The following SRPK3 variants were observed in gnomAD, a reference collection of about 807,000 sequenced individuals.
SRPK3 encodes the protein SFRS protein kinase 3.
In SRPK3, 26 loss-of-function variants were observed where a neutral mutation model predicts 45.3. The observed-to-expected ratio is 0.57, with a 90% CI of 0.42 to 0.80. SRPK3 has a LOEUF of 0.80. SRPK3 is among the 30% of genes least tolerant of loss of function. SRPK3 has a pLI of 0.00. For synonymous variants in SRPK3, 254 were observed against 226.6 expected (o/e 1.12, Z -1.09); for missense variants, 536 against 514.5 (o/e 1.04, Z -0.40).
rs782431431 is a variant in SRPK3, at chrX:153,782,073, C to T, written c.388-48C>T. ...AGGGTACACTGAAGGGAGCTGTGGG[C>T]TTCAGGGCAGGGTGGAACCATCTGT... is the stretch of plus-strand genomic sequence containing the variant. On this transcript the variant is annotated intron_variant, in intron 4 of 14. Coordinates refer to ENST00000370101, the MANE Select transcript of SRPK3 (RefSeq NM_014370.4). The T allele has an allele frequency of 7.1e-6, 8 of 1,129,410 alleles. No individual in the cohort carries two copies. In the East Asian group the frequency reaches 2.4e-4, roughly 34 times the overall value. 93.1% of individuals were successfully genotyped at this position (1,129,410 alleles called of 1,213,427 possible). A position where few individuals can be genotyped will look rare whatever the true frequency, so the allele number is the denominator to read the frequency against.
At chrX:153,783,343 C>A in intron 8 of SRPK3, 92 bp downstream of exon 8, 1 of 591,439 alleles carries the variant, frequency 1.7e-6, no homozygotes, top group Non-Finnish European at 2.7e-6. Flanking sequence ...CACCCCCCAC[C>A]TTCACGCACT....
intron 11 of SRPK3, 146 bp downstream of exon 11, chrX:153,784,540 G>A (rs1297238314): frequency 1.3e-6 from 1 of 761,055 alleles, no homozygotes; most frequent in Non-Finnish European, 1.9e-6. Flanking sequence ...CAACAGCACT[G>A]GGGCCATGGC....
In SRPK3 at chrX:153,781,760, C is replaced by T. The variant is rs782735703; in HGVS notation, c.317C>T (p.Ala106Val). ...TATTGCAGGCGCAAGCGCTTTGTGG[C>T]CCTCAAAGTGGTGAAGAGTGCGGGG... Reference protein sequence around the residue: ...CWDIQRKRFVALKVVKSAGHY... With the variant: ...CWDIQRKRFVVLKVVKSAGHY... The change falls in exon 4 of 15, where the codon GCC becomes GTC. Residue 106 changes from alanine to valine, a missense_variant. Ala to Val is a moderately conservative substitution (Grantham distance 64). Coordinates refer to ENST00000370101, the MANE Select transcript of SRPK3 (RefSeq NM_014370.4). 5 of 1,210,544 alleles carry T rather than the reference C, an allele frequency of 4.1e-6. No homozygotes were observed. In the African/African-American group the frequency reaches 6.9e-5, roughly 17 times the overall value.
chrX:153,785,078 C>T lies in SRPK3; in HGVS notation c.1427-3C>T, dbSNP rs2148442121. Reference sequence around the variant, plus strand: ...GCCCCCAACCTCCTCTTTCTGCCCACAGACCACATCGCTCACATAGTGGAG... The same window carrying T: ...GCCCCCAACCTCCTCTTTCTGCCCATAGACCACATCGCTCACATAGTGGAG... On this transcript the variant is annotated splice_polypyrimidine_tract_variant and splice_region_variant and intron_variant, in intron 13 of 14. Transcript: ENST00000370101. 8.3e-7 allele frequency: 1 copy of T among 1,211,153 alleles called. No individual in the cohort carries two copies. Among genetic ancestry groups the T allele is most frequent in the South Asian group, 1.8e-5 (1 of 56,990 alleles).
chrX:153,784,280 T>C lies in SRPK3; in HGVS notation c.1148-14T>C, dbSNP rs782583879. On this transcript the variant is annotated splice_polypyrimidine_tract_variant and intron_variant, in intron 10 of 14. Transcript: ENST00000370101. ...AGTCGGACCACTTCAGTCTCCCTGCTCTGCCTTCCCCAGCACCATTCGGTG... is the reference window on the plus strand; with the variant it reads ...AGTCGGACCACTTCAGTCTCCCTGCCCTGCCTTCCCCAGCACCATTCGGTG... The C allele has an allele frequency of 1.5e-5, 18 of 1,209,920 alleles. No homozygotes were observed. The highest frequency in any genetic ancestry group is 1.9e-5 in the Non-Finnish European group (17 of 895,200).
At chrX:153,784,663 G>T in intron 11 of SRPK3, 87 bp from the exon 12 acceptor site, 1 of 1,093,231 alleles carries the variant, frequency 9.1e-7, no homozygotes, top group South Asian at 1.9e-5. Flanking sequence ...TGAGCTCCTC[G>T]GGTAGGCGGA....
chrX:153,783,037 G>T lies in SRPK3; in HGVS notation c.667G>T (p.Gly223Trp). ...GCCCGAGAACATCTTGCTGTGTGTG[G>T]GGGACGCTTACATCAGGCGCCTGGC... ...IKPENILLCV[G>W]DAYIRRLAAE... Residue 223 changes from glycine to tryptophan, a missense_variant, in exon 7 of 15, where the codon GGG becomes TGG. Coordinates refer to ENST00000370101, the MANE Select transcript of SRPK3 (RefSeq NM_014370.4). 3 of 1,183,766 alleles carry T rather than the reference G, an allele frequency of 2.5e-6. No individual in the cohort carries two copies. Among genetic ancestry groups the T allele is most frequent in the Non-Finnish European group, 3.4e-6 (3 of 881,026 alleles).
intron 5 of SRPK3, 82 bp downstream of exon 5, chrX:153,782,290 C>G (rs1273179957): frequency 1.2e-6 from 1 of 824,616 alleles, no homozygotes; most frequent in African/African-American, 2.0e-5. Context: ...AGCCTGTCTG[C>G]AGACCCGCAC....
chrX:153,785,608 C>A lies in SRPK3; in HGVS notation c.*88C>A. ...CACCCTGCTGGGCGCCAGTTCTCCA[C>A]AACCACAGGGCAGAGAGACGCTGGA... On this transcript the variant is annotated 3_prime_UTR_variant, in exon 15 of 15. Coordinates refer to ENST00000370101, the MANE Select transcript of SRPK3 (RefSeq NM_014370.4). 1 of 1,091,090 alleles carries A rather than the reference C, an allele frequency of 9.2e-7. No individual in the cohort carries two copies. The highest frequency in any genetic ancestry group is 1.2e-6 in the Non-Finnish European group (1 of 808,449). The allele number at this position is 1,091,090 out of a possible 1,213,427, so 89.9% of individuals were successfully genotyped here.
chrX:153,783,723 G>C, intron 8 of SRPK3, 29 bp from the exon 9 acceptor site: 1 of 1,208,041 alleles, frequency 8.3e-7, no homozygotes, highest in Non-Finnish European at 1.1e-6. Context: ...CGGGCGACAG[G>C]AACCCTGGGG....
At chrX:153,781,855 CCAGCTCCCCTGG>C in intron 4 of SRPK3, 25 bp downstream of exon 4, 1 of 1,204,441 alleles carries the variant, frequency 8.3e-7, no homozygotes, top group Non-Finnish European at 1.1e-6. Flanking sequence ...TACCCCACTC[CCAGCTCCCCTGG>C]AGCTGCCTGG....
chrX:153,783,691 C>T (rs782753452), intron 8 of SRPK3, 61 bp from the exon 9 acceptor site: 10 of 1,197,097 alleles, frequency 8.4e-6, no homozygotes, highest in Admixed American at 2.2e-5. Flanking sequence ...GCAGGGAAAC[C>T]TCCACTTCAT....
chrX:153,784,049 G>C lies in SRPK3; in HGVS notation c.983G>C (p.Gly328Ala), dbSNP rs955477314. ...TGTCACCCCGGGGGCGCCAGAGCAG[G>C]TCCCTCCCCAGCCTCTTCCTCCCCC... The part of the protein sequence containing the change: ...SGCHPGGARA[G>A]PSPASSSPAP... Residue 328 changes from glycine (G) to alanine (A), a missense_variant, in exon 10 of 15, where the codon GGT becomes GCT. By Grantham distance (60) the Gly-to-Ala change is moderately conservative. Transcript: ENST00000370101. 10 of 1,208,166 alleles carry C rather than the reference G, an allele frequency of 8.3e-6. No homozygotes were observed. The African/African-American group carries it at 1.6e-4, about 19-fold the overall frequency.
In SRPK3 at chrX:153,781,793, C is replaced by G; in HGVS notation, c.350C>G (p.Thr117Arg). 8.3e-7 allele frequency: 1 copy of G among 1,211,647 alleles called. No individual in the cohort carries two copies. The change falls in exon 4 of 15, where the codon ACG becomes AGG. Residue 117 changes from threonine (T) to arginine (R), a missense_variant. Physicochemically the swap from Thr to Arg is moderately conservative, Grantham distance 71 (BLOSUM62 -1). Transcript: ENST00000370101. Reference sequence around the variant, plus strand: ...GTGGTGAAGAGTGCGGGGCATTACACGGAGACAGCTGTGGATGAGATCAAG... The same window carrying G: ...GTGGTGAAGAGTGCGGGGCATTACAGGGAGACAGCTGTGGATGAGATCAAG... ...LKVVKSAGHY[T>R]ETAVDEIKLL... is the part of the protein sequence containing the mutation.
In SRPK3 at chrX:153,783,822, T is replaced by A; in HGVS notation, c.845T>A (p.Leu282Gln). Residue 282 changes from leucine to glutamine, a missense_variant, in exon 9 of 15, where the codon CTG (leucine) becomes CAG (glutamine). Transcript: ENST00000370101. ...RRKRKQQKRL[L>Q]EERLRDLQRL... ...AAACGGAAACAGCAGAAGCGGCTGCTGGAGGAGCGGCTGCGGGACCTGCAG... is the reference window on the plus strand; with the variant it reads ...AAACGGAAACAGCAGAAGCGGCTGCAGGAGGAGCGGCTGCGGGACCTGCAG... 8.3e-7 allele frequency: 1 copy of A among 1,204,431 alleles called. No homozygotes were observed. The highest frequency in any genetic ancestry group is 1.1e-6 in the Non-Finnish European group (1 of 892,181).
At chrX:153,782,641 C>T in intron 5 of SRPK3, 131 bp from the exon 6 acceptor site, 1 of 531,425 alleles carries the variant, frequency 1.9e-6, no homozygotes, top group Non-Finnish European at 3.0e-6. Flanking sequence ...ATAATGGTGA[C>T]CAGGACTGCC....
chrX:153,785,596 G>A lies in SRPK3; in HGVS notation c.*76G>A, dbSNP rs927295823. On this transcript the variant is annotated 3_prime_UTR_variant, in exon 15 of 15. Transcript: ENST00000370101. ...GACAGCTCCCACCACCCTGCTGGGC[G>A]CCAGTTCTCCACAACCACAGGGCAG... The A allele has an allele frequency of 8.8e-5, 99 of 1,119,138 alleles. No individual in the cohort carries two copies. The highest frequency in any genetic ancestry group is 9.7e-5 in the Non-Finnish European group (81 of 832,795). The allele number at this position is 1,119,138 out of a possible 1,213,427, so 92.2% of individuals were successfully genotyped here.
chrX:153,785,692 A>G lies in SRPK3; in HGVS notation c.*172A>G. ...AGACCCCCGTGAGGGCTCTCGGAGA[A>G]AGTGTGTGTATTCCTTTCTTAATAA... On this transcript the variant is annotated 3_prime_UTR_variant, in exon 15 of 15. Transcript: ENST00000370101. 2.5e-6 allele frequency: 2 copies of G among 788,942 alleles called. No individual in the cohort carries two copies. The highest frequency in any genetic ancestry group is 3.7e-6 in the Non-Finnish European group (2 of 547,072). 65.0% of individuals were successfully genotyped at this position (788,942 alleles called of 1,213,427 possible). A position where few individuals can be genotyped will look rare whatever the true frequency, so the allele number is the denominator to read the frequency against.
intron 10 of SRPK3, 36 bp from the exon 11 acceptor site, chrX:153,784,258 C>T (rs782605890): frequency 1.6e-4 from 198 of 1,209,305 alleles, no homozygotes; most frequent in Non-Finnish European, 2.1e-4. Context: ...TGGCAGTAGT[C>T]GGACCACTTC....
Sources: gnomAD v4.1 joint callset for allele counts on GRCh38, gnomAD v4.1.1 for gene constraint, MANE v1.5 for transcripts, NCBI Gene and HGNC (gene_info 2026-07-23, HGNC 2026-07-21) for gene names.